The following PALLD variants were observed in gnomAD, a reference collection of about 807,000 sequenced individuals.
PALLD encodes palladin.
A neutral mutation model predicts 123.5 loss-of-function variants in PALLD; 61 were observed. The ratio of observed to expected loss-of-function variants is 0.49; its 90% CI spans 0.40 to 0.61. The LOEUF (loss-of-function observed/expected upper bound fraction) is 0.61, where lower values mean the gene tolerates loss of function less well. Among genes scored for constraint, PALLD ranks in the 20% least tolerant of loss-of-function variants. The probability of loss-of-function intolerance (pLI) is 0.00; values close to 1 mark genes in which losing one functional copy is unlikely to be tolerated. For synonymous variants in PALLD, 465 were observed against 496.4 expected, an observed-to-expected ratio of 0.94 and a Z score of 0.84; for missense variants, 1,273 against 1,377.0, an observed-to-expected ratio of 0.92 and a Z score of 1.20.
In PALLD at chr4:168,729,643, G is replaced by A. The variant is rs115510685; in HGVS notation, c.1964+17720G>A. 3.2e-3 allele frequency among the ~76,000 whole-genome samples: 492 copies of A among 152,250 alleles called. 3 individuals carry two copies. Among genetic ancestry groups the A allele is most frequent in the African/African-American group, 0.011 (455 of 41,538 alleles). On this transcript the variant is annotated intron_variant, in intron 10 of 21. Coordinates refer to ENST00000505667, the MANE Select transcript of PALLD (RefSeq NM_001166108.2). ...GACTTCCCTTCAACATCATTCTCGTGTACTTTTACCCTCTTCTTCTCCTGG... is the reference window on the plus strand; with the variant it reads ...GACTTCCCTTCAACATCATTCTCGTATACTTTTACCCTCTTCTTCTCCTGG...
chr4:168,626,082 T>A (rs183870626), intron 2 of PALLD, among the ~76,000 whole-genome samples: 73 of 147,040 alleles, frequency 5.0e-4, no homozygotes, highest in African/African-American at 1.7e-3. Context: ...GCTAACATGG[T>A]AAAACCTCGT....
rs116749138 is a variant in PALLD, at chr4:168,542,043, G to A, written c.908+29631G>A. On this transcript the variant is annotated intron_variant, in intron 2 of 21. Transcript: ENST00000505667. The stretch of plus-strand genomic sequence containing the variant: ...GCGTTATCACTATGTGCTCAAATTC[G>A]TATGTGTATGTTTCCCAAACTGGTC... 6.8e-4 allele frequency among the ~76,000 whole-genome samples: 103 copies of A among 152,250 alleles called. 1 individual carries two copies. The highest frequency in any genetic ancestry group is 2.3e-3 in the African/African-American group (94 of 41,538).
chr4:168,719,252 CTTTTTTTTTTT>C lies in PALLD; in HGVS notation c.1964+7342_1964+7352del, dbSNP rs869040811. 1.1e-3 allele frequency among the ~76,000 whole-genome samples: 93 copies of C among 85,716 alleles called. 1 individual carries two copies. The highest frequency in any genetic ancestry group is 7.8e-3 in the South Asian group (15 of 1,934). The allele number at this position is 85,716 out of a possible 152,430, so 56.2% of individuals were successfully genotyped here. A position where few individuals can be genotyped will look rare whatever the true frequency, so the allele number is the denominator to read the frequency against. Reference sequence around the variant, plus strand: ...CTAAGTAATTATCAAAAGTAATCTTCTTTTTTTTTTTTTTTTTTTTTTTGAGAAAAATTCTC... The same window carrying C: ...CTAAGTAATTATCAAAAGTAATCTTCTTTTTTTTTTTTGAGAAAAATTCTC... On this transcript the variant is annotated intron_variant, in intron 10 of 21. Transcript: ENST00000505667.
At chr4:168,678,846 G>A (rs918716859) in intron 3 of PALLD, among the ~76,000 whole-genome samples, 1 of 150,612 alleles carries the variant, frequency 6.6e-6, no homozygotes, top group East Asian at 2.0e-4. Flanking sequence ...TGCGTGTGTG[G>A]TGTGTGTGGT....
At chr4:168,637,800 T>G (rs1163250663) in intron 2 of PALLD, among the ~76,000 whole-genome samples, 1 of 152,020 alleles carries the variant, frequency 6.6e-6, no homozygotes, top group Non-Finnish European at 1.5e-5. Flanking sequence ...AAAAATTAGT[T>G]GGGCATGGTG....
chr4:168,529,447 G>A (rs1256172172), intron 2 of PALLD, among the ~76,000 whole-genome samples: 1 of 152,174 alleles, frequency 6.6e-6, no homozygotes, highest in African/African-American at 2.4e-5. Context: ...CGAAGGGGGA[G>A]AGTGGTACAC....
Position 168,532,900 on chromosome 4 carries a change from A to G in PALLD, c.908+20488A>G, listed in dbSNP as rs571219700. Among the ~76,000 whole-genome samples, 70 of 152,308 alleles carry G rather than the reference A, an allele frequency of 4.6e-4. 1 individual carries two copies. In the South Asian group the frequency reaches 8.7e-3, roughly 19 times the overall value. On this transcript the variant is annotated intron_variant, in intron 2 of 21. Transcript: ENST00000505667. ...TTCTGATTGATTGAAAGACACATCA[A>G]TCAAGCATTGGGCAGGATAGATGTT...
chr4:168,925,396 C>CTTAT, intron 21 of PALLD, 118 bp downstream of exon 21: 1 of 787,686 alleles, frequency 1.3e-6, no homozygotes, highest in Non-Finnish European at 2.3e-6. Flanking sequence ...TAGGCAAAGG[C>CTTAT]ATAACCATGT....
intron 10 of PALLD, among the ~76,000 whole-genome samples, chr4:168,874,445 G>GT (rs1259331257): frequency 6.6e-6 from 1 of 152,140 alleles, no homozygotes; most frequent in Non-Finnish European, 1.5e-5. Flanking sequence ...AACCACTGGG[G>GT]TAGAGGAGTT....
rs202155618 is a variant in PALLD, at chr4:168,776,781, A to AT, written c.1964+64862dup. ...CAGTTTTCCAAAATTATATCTGTTG[A>AT]TTTTCAAATGTTAAACCACCTCTAC... is the stretch of plus-strand genomic sequence containing the variant. On this transcript the variant is annotated intron_variant, in intron 10 of 21. Transcript: ENST00000505667. 8.5e-5 allele frequency among the ~76,000 whole-genome samples: 13 copies of AT among 152,188 alleles called. No homozygotes were observed. The East Asian group carries it at 2.5e-3, about 29-fold the overall frequency.
At position 168,512,423 on chromosome 4, in the gene PALLD, T is replaced by C; in HGVS notation, c.908+11T>C. 6.2e-7 allele frequency: 1 copy of C among 1,608,136 alleles called. No homozygotes were observed. The highest frequency in any genetic ancestry group is 8.5e-7 in the Non-Finnish European group (1 of 1,175,756). On this transcript the variant is annotated intron_variant, in intron 2 of 21. Transcript: ENST00000505667. ...CACTCCTCGAGTCAGGTATGAATTT[T>C]TGTATTATGCATAGCAAATGATCTT...
At chr4:168,644,758 A>C (rs938852921) in intron 2 of PALLD, among the ~76,000 whole-genome samples, 6 of 152,158 alleles carry the variant, frequency 3.9e-5, no homozygotes, top group Admixed American at 2.6e-4. Flanking sequence ...TCCTTTAACT[A>C]AAGTGGAAGT....
chr4:168,562,097 TA>T (rs11424900), intron 2 of PALLD, among the ~76,000 whole-genome samples: 3,512 of 144,830 alleles, frequency 0.024, 44 homozygotes, highest in East Asian at 0.062. Context: ...GTCACAAGGA[TA>T]AAAAAAAAAA....
At chr4:168,570,731 T>A (rs527684943) in intron 2 of PALLD, among the ~76,000 whole-genome samples, 11 of 152,320 alleles carry the variant, frequency 7.2e-5, no homozygotes, top group African/African-American at 2.6e-4. Context: ...GACATTTTTT[T>A]ATAGTCATAT....
At chr4:168,654,299 AT>A (rs1256828938) in intron 2 of PALLD, among the ~76,000 whole-genome samples, 1 of 151,406 alleles carries the variant, frequency 6.6e-6, no homozygotes, top group Non-Finnish European at 1.5e-5. Flanking sequence ...TGTTATGTGT[AT>A]TTTTTTGTCT....
At chr4:168,652,459 T>G (rs1778149024) in intron 2 of PALLD, among the ~76,000 whole-genome samples, 1 of 152,206 alleles carries the variant, frequency 6.6e-6, no homozygotes, top group African/African-American at 2.4e-5. Flanking sequence ...TTCTAACACA[T>G]TTTTATTTTT....
At chr4:168,643,146 G>C (rs1777120056) in intron 2 of PALLD, among the ~76,000 whole-genome samples, 1 of 152,156 alleles carries the variant, frequency 6.6e-6, no homozygotes, top group Admixed American at 6.5e-5. Flanking sequence ...AAGGATCTGA[G>C]AGCATTATGG....
chr4:168,625,552 A>G (rs973788556), intron 2 of PALLD, among the ~76,000 whole-genome samples: 1 of 71,292 alleles, frequency 1.4e-5, no homozygotes, highest in Non-Finnish European at 3.6e-5. Context: ...ATATATATAT[A>G]TATCTCCTAC....
chr4:168,636,437 A>G (rs954119104), intron 2 of PALLD, among the ~76,000 whole-genome samples: 1 of 152,168 alleles, frequency 6.6e-6, no homozygotes, highest in African/African-American at 2.4e-5. Flanking sequence ...GTGAACTACT[A>G]TTGTGCCACT....
Sources: allele counts gnomAD v4.1 joint callset (sites outside exome capture counted in the v4.1 genomes callset), GRCh38; gene constraint gnomAD v4.1.1; transcripts MANE v1.5; gene names NCBI Gene and HGNC (gene_info 2026-07-23, HGNC 2026-07-21).